SPTAN1: variants seen among roughly 807,000 people sequenced by gnomAD.
The protein encoded by SPTAN1 is spectrin alpha, non-erythrocytic 1, also known as spectrin alpha chain, non-erythrocytic 1.
Under a neutral mutation model 331.3 loss-of-function variants are expected in SPTAN1, and 61 were observed. The observed-to-expected ratio is 0.18, with a 90% CI of 0.15 to 0.23. The LOEUF is 0.23. Among genes scored for constraint, SPTAN1 ranks in the 10% least tolerant of loss-of-function variants. The pLI, the probability that SPTAN1 is intolerant of heterozygous loss-of-function variation, is 1.00. For missense variants in SPTAN1, 2,043 were observed against 3,147.9 expected, an observed-to-expected ratio of 0.65 and a Z score of 8.40; for synonymous variants, 1,153 against 1,173.9, an observed-to-expected ratio of 0.98 and a Z score of 0.36.
intron 20 of SPTAN1, 112 bp downstream of exon 20, chr9:128,587,810 A>T: frequency 1.3e-6 from 1 of 795,306 alleles, no homozygotes; most frequent in Non-Finnish European, 2.2e-6. Context: ...AACTCTTGTG[A>T]CACAAAGATT....
intron 43 of SPTAN1, 51 bp downstream of exon 43, chr9:128,618,159 C>A: frequency 6.2e-7 from 1 of 1,609,934 alleles, no homozygotes; most frequent in South Asian, 1.1e-5. Context: ...GGCCAGCACC[C>A]AAGGGCAGAC....
chr9:128,579,963 A>G (rs1167195036), intron 10 of SPTAN1, among the ~76,000 whole-genome samples: 1 of 152,180 alleles, frequency 6.6e-6, no homozygotes, highest in Non-Finnish European at 1.5e-5. Context: ...TCCTACTTAC[A>G]GGGACTTTCT....
At position 128,583,518 on chromosome 9, in the gene SPTAN1, C is replaced by G. The variant is rs116512692; in HGVS notation, c.2011+237C>G. ...AGTGAGAAGGAACTGAATTGGGCCTCATTGCTGAAAATCAAAGTTCAGCTG... is the reference window on the plus strand; with the variant it reads ...AGTGAGAAGGAACTGAATTGGGCCTGATTGCTGAAAATCAAAGTTCAGCTG... On this transcript the variant is annotated intron_variant, in intron 15 of 56. Coordinates refer to ENST00000372739, the MANE Select transcript of SPTAN1 (RefSeq NM_001130438.3). Among the ~76,000 whole-genome samples, 919 of 152,254 alleles carry G rather than the reference C, an allele frequency of 6.0e-3. 6 individuals are homozygous for G. The highest frequency in any genetic ancestry group is 0.021 in the African/African-American group (884 of 41,550).
intron 31 of SPTAN1, among the ~76,000 whole-genome samples, chr9:128,605,763 G>C (rs138730117): frequency 6.6e-6 from 1 of 152,014 alleles, no homozygotes; most frequent in African/African-American, 2.4e-5. Context: ...AGGCCAAGGC[G>C]GGCAGATCAC....
chr9:128,562,325 G>A (rs999603545), intron 1 of SPTAN1, among the ~76,000 whole-genome samples: 5 of 152,052 alleles, frequency 3.3e-5, no homozygotes, highest in Non-Finnish European at 5.9e-5. Context: ...CTGGTCTGGA[G>A]CTCATGACCT....
In SPTAN1 at chr9:128,615,717, A is replaced by C. The variant is rs1023221228; in HGVS notation, c.5234A>C (p.Asp1745Ala). 1.5e-5 allele frequency: 25 copies of C among 1,614,092 alleles called. No individual in the cohort carries two copies. Among genetic ancestry groups the C allele is most frequent in the Non-Finnish European group, 2.1e-5 (25 of 1,180,050 alleles). ...FDTSQVKDKR[D>A]TINGRFQKIK... The stretch of plus-strand genomic sequence containing the variant: ...ACCTCCCAAGTAAAGGACAAGAGGG[A>C]CACCATCAACGGGCGCTTCCAGAAG... Residue 1745 changes from aspartate (D) to alanine (A), a missense_variant, in exon 41 of 57, where the codon GAC becomes GCC. This residue lies in a region of SPTAN1 where 323 missense variants were observed against 581.1 expected (regional missense o/e 0.56). Coordinates refer to ENST00000372739, the MANE Select transcript of SPTAN1 (RefSeq NM_001130438.3).
intron 1 of SPTAN1, among the ~76,000 whole-genome samples, chr9:128,559,890 A>G (rs1358504676): frequency 6.6e-6 from 1 of 150,778 alleles, no homozygotes; most frequent in Non-Finnish European, 1.5e-5. Flanking sequence ...GTGCGCCACT[A>G]TGCTTGGCTA....
chr9:128,632,976 G>A (rs542116995), intron 56 of SPTAN1, 21 bp downstream of exon 56: 2 of 1,609,092 alleles, frequency 1.2e-6, no homozygotes, highest in South Asian at 1.1e-5. Context: ...CAGGAGGTGG[G>A]TGAAGAGGTG....
rs949607304 is a variant in SPTAN1 at position 128,574,887 on chromosome 9, G to A, written c.504+72G>A. ...GGAAGAGACTCCTCTGTGATCTGTA[G>A]TGAGACCCAGTGTTAGCACAGATAC... On this transcript the variant is annotated intron_variant, in intron 4 of 56. Coordinates refer to ENST00000372739, the MANE Select transcript of SPTAN1 (RefSeq NM_001130438.3). The A allele has an allele frequency of 1.2e-5, 19 of 1,604,056 alleles. No homozygotes were observed. The South Asian group carries it at 2.0e-4, about 17-fold the overall frequency.
chr9:128,574,448 A>T (rs1230058701), intron 3 of SPTAN1, among the ~76,000 whole-genome samples: 1 of 151,976 alleles, frequency 6.6e-6, no homozygotes, highest in East Asian at 1.9e-4. Flanking sequence ...GAACTAGAGT[A>T]GATCTACCTA....
At chr9:128,575,941 G>T (rs1313275933) in intron 5 of SPTAN1, among the ~76,000 whole-genome samples, 1 of 152,172 alleles carries the variant, frequency 6.6e-6, no homozygotes, top group African/African-American at 2.4e-5. Context: ...AGGGAAATTT[G>T]ATTTGGGGGG....
intron 45 of SPTAN1, among the ~76,000 whole-genome samples, chr9:128,623,266 C>T (rs1858183989): frequency 6.6e-6 from 1 of 150,626 alleles, no homozygotes; most frequent in Non-Finnish European, 1.5e-5. Flanking sequence ...GATGGGGTCT[C>T]ACTATGTTAT....
chr9:128,615,036 A>T (rs1296070706), intron 40 of SPTAN1, among the ~76,000 whole-genome samples: 1 of 152,212 alleles, frequency 6.6e-6, no homozygotes, highest in Non-Finnish European at 1.5e-5. Flanking sequence ...AAATCTTCAC[A>T]TATTAGGAAG....
At chr9:128,563,173 T>G (rs556652224) in intron 1 of SPTAN1, among the ~76,000 whole-genome samples, 1 of 151,994 alleles carries the variant, frequency 6.6e-6, no homozygotes, top group African/African-American at 2.4e-5. Flanking sequence ...CCCAGCACTT[T>G]GGGAGACTGA....
rs1852825712 is a variant in SPTAN1 at position 128,587,620 on chromosome 9, A to G, written c.2793A>G (p.Lys931=). 1 of 1,613,818 alleles carries G rather than the reference A, an allele frequency of 6.2e-7. No individual in the cohort carries two copies. The highest frequency in any genetic ancestry group is 2.2e-5 in the East Asian group (1 of 44,872). Residue 931 remains lysine, a synonymous_variant, in exon 20 of 57, where the codon AAA becomes AAG. Coordinates refer to ENST00000372739, the MANE Select transcript of SPTAN1 (RefSeq NM_001130438.3). ...DEDSAEALLK[K]HEALMSDLSA... ...TTTGGTTTCAGGCTCTACTGAAGAA[A>G]CACGAAGCTTTGATGTCAGATCTCA... is the stretch of plus-strand genomic sequence containing the variant.
chr9:128,613,576 T>A, intron 40 of SPTAN1, 91 bp downstream of exon 40: 1 of 1,087,404 alleles, frequency 9.2e-7, no homozygotes, highest in Non-Finnish European at 1.4e-6. Flanking sequence ...GAAAAGAGAG[T>A]GACTTCTTTC....
Position 128,613,364 on chromosome 9 carries a change from T to C in SPTAN1, c.5044-17T>C, listed in dbSNP as rs1856781127. On this transcript the variant is annotated splice_polypyrimidine_tract_variant and intron_variant, in intron 39 of 56. Coordinates refer to ENST00000372739, the MANE Select transcript of SPTAN1 (RefSeq NM_001130438.3). ...ACACCACACAGTAGCCTTTGCTTTT[T>C]GTGTTTTCATTGCCAGGTGGAGGCC... is the stretch of plus-strand genomic sequence containing the variant. 1 of 1,610,450 alleles carries C rather than the reference T, an allele frequency of 6.2e-7. No homozygotes were observed. Among genetic ancestry groups the C allele is most frequent in the East Asian group, 2.2e-5 (1 of 44,882 alleles).
chr9:128,621,141 GGCT>G lies in SPTAN1; in HGVS notation c.5734-13_5734-11del. ...TAGCAGGCTCTCAATAGTGTGCCTT[GGCT>G]GCTTCTACTCCAGGGCTTACTGAAG... is the stretch of plus-strand genomic sequence containing the variant. On this transcript the variant is annotated splice_polypyrimidine_tract_variant and intron_variant, in intron 44 of 56. Coordinates refer to ENST00000372739, the MANE Select transcript of SPTAN1 (RefSeq NM_001130438.3). The G allele has an allele frequency of 1.2e-6, 2 of 1,613,300 alleles. No individual in the cohort carries two copies. Among genetic ancestry groups the G allele is most frequent in the Non-Finnish European group, 1.7e-6 (2 of 1,179,284 alleles).
chr9:128,608,091 A>C, intron 33 of SPTAN1, 39 bp from the exon 34 acceptor site: 1 of 1,614,124 alleles, frequency 6.2e-7, no homozygotes, highest in Non-Finnish European at 8.5e-7. Flanking sequence ...TTCCTTGCTG[A>C]AGGGCCTCAT....
Sources: allele counts gnomAD v4.1 joint callset (sites outside exome capture counted in the v4.1 genomes callset), GRCh38; gene constraint gnomAD v4.1.1; regional missense constraint gnomAD v4.1.1; transcripts MANE v1.5; gene names NCBI Gene and HGNC (gene_info 2026-07-23, HGNC 2026-07-21).